Variants in WDR47 observed in about 807,000 individuals in gnomAD.
WDR47 encodes WD repeat domain 47, also known as WD repeat-containing protein 47.
A neutral mutation model predicts 97.2 loss-of-function variants in WDR47; 32 were observed. The ratio of observed to expected loss-of-function variants is 0.33; its 90% CI spans 0.25 to 0.44. The LOEUF is 0.44. Among genes scored for constraint, WDR47 ranks in the 20% least tolerant of loss-of-function variants. The pLI, the probability that WDR47 is intolerant of heterozygous loss-of-function variation, is 1.00. For synonymous variants in WDR47, 375 were observed against 373.5 expected (o/e 1.00, Z -0.05); for missense variants, 782 against 1,102.3 (o/e 0.71, Z 4.11).
At chr1:108,993,089 T>G (rs537029114) in intron 8 of WDR47, among the ~76,000 whole-genome samples, 2 of 152,110 alleles carry the variant, frequency 1.3e-5, no homozygotes, top group East Asian at 1.9e-4. Flanking sequence ...GAAGGAGCAA[T>G]AGGCCTCACC....
At chr1:108,976,555 T>G (rs1032086334) in intron 13 of WDR47, among the ~76,000 whole-genome samples, 15 of 152,152 alleles carry the variant, frequency 9.9e-5, no homozygotes, top group Non-Finnish European at 1.5e-5. Context: ...CTTCTGAAAA[T>G]AAAACAGGTA....
intron 12 of WDR47, 88 bp from the exon 13 acceptor site, chr1:108,981,952 G>A: frequency 6.9e-7 from 1 of 1,442,602 alleles, no homozygotes; most frequent in Non-Finnish European, 9.3e-7. Flanking sequence ...GTTGGGCAAG[G>A]TGGCTCATGC....
chr1:109,011,192 G>A lies in WDR47; in HGVS notation c.854C>T (p.Thr285Ile). 1 of 1,614,128 alleles carries A rather than the reference G, an allele frequency of 6.2e-7. No individual in the cohort carries two copies. The highest frequency in any genetic ancestry group is 2.2e-5 in the East Asian group (1 of 44,878). Residue 285 changes from threonine to isoleucine, a missense_variant, in exon 5 of 15, where the codon ACT (threonine) becomes ATT (isoleucine). Coordinates refer to ENST00000369962, the MANE Select transcript of WDR47 (RefSeq NM_001142551.2). ...PTKAAYADLLTPLISKLSPYP... is the reference protein window; with the variant it reads ...PTKAAYADLLIPLISKLSPYP... Reference sequence around the variant, plus strand: ...GGGAGAGAGTTTGCTGATAAGAGGAGTCAAAAGATCAGCATATGCAGCTTT... The same window carrying A: ...GGGAGAGAGTTTGCTGATAAGAGGAATCAAAAGATCAGCATATGCAGCTTT...
chr1:109,023,259 G>A, intron 2 of WDR47, 96 bp downstream of exon 2: 2 of 1,140,966 alleles, frequency 1.8e-6, no homozygotes, highest in African/African-American at 1.6e-5. Context: ...GCCTTTTCAT[G>A]ATTATAAAGT....
intron 14 of WDR47, among the ~76,000 whole-genome samples, chr1:108,972,352 C>G (rs766490545): frequency 6.6e-6 from 1 of 152,082 alleles, no homozygotes; most frequent in Non-Finnish European, 1.5e-5. Context: ...TCCTCACTGA[C>G]ATTTATATTT....
In WDR47 at chr1:108,986,503, C is replaced by A; in HGVS notation, c.1925+20G>T. 6.3e-7 allele frequency: 1 copy of A among 1,583,036 alleles called. No individual in the cohort carries two copies. Among genetic ancestry groups the A allele is most frequent in the South Asian group, 1.2e-5 (1 of 85,806 alleles). On this transcript the variant is annotated intron_variant, in intron 10 of 14. Coordinates refer to ENST00000369962, the MANE Select transcript of WDR47 (RefSeq NM_001142551.2). Reference sequence around the variant, plus strand: ...TTAAAAACTAAGGTAAGAATGGCAGCACAAATCATTGATCCTTACCTTGGA... The same window carrying A: ...TTAAAAACTAAGGTAAGAATGGCAGAACAAATCATTGATCCTTACCTTGGA...
chr1:109,035,183 C>T (rs1363672662), intron 1 of WDR47, among the ~76,000 whole-genome samples: 1 of 147,954 alleles, frequency 6.8e-6, no homozygotes, highest in Non-Finnish European at 1.5e-5. Flanking sequence ...GTGGTTGAGG[C>T]TGCAGTGAGC....
intron 10 of WDR47, among the ~76,000 whole-genome samples, chr1:108,983,872 G>A (rs921688893): frequency 6.6e-6 from 1 of 152,174 alleles, no homozygotes; most frequent in Admixed American, 6.6e-5. Context: ...CAATGTGCAA[G>A]AGTTCTGTCC....
At chr1:109,004,151 G>T (rs1660406175) in intron 6 of WDR47, among the ~76,000 whole-genome samples, 1 of 151,932 alleles carries the variant, frequency 6.6e-6, no homozygotes, top group Admixed American at 6.6e-5. Context: ...TGTGGTCCCA[G>T]CTACTCGGGA....
chr1:109,032,885 A>C (rs1040818461), intron 1 of WDR47, among the ~76,000 whole-genome samples: 4 of 152,030 alleles, frequency 2.6e-5, no homozygotes, highest in African/African-American at 9.7e-5. Context: ...TGACAGAGTG[A>C]CACTCTGTCC....
intron 12 of WDR47, among the ~76,000 whole-genome samples, chr1:108,982,368 A>AC (rs1658407093): frequency 6.6e-6 from 1 of 151,958 alleles, no homozygotes; most frequent in South Asian, 2.1e-4. Flanking sequence ...CACCATATCT[A>AC]CAAAAAAATT....
At chr1:109,034,902 T>C (rs1247981940) in intron 1 of WDR47, among the ~76,000 whole-genome samples, 1 of 152,090 alleles carries the variant, frequency 6.6e-6, no homozygotes, top group Non-Finnish European at 1.5e-5. Flanking sequence ...TGAATGAATA[T>C]AAACAGGCCC....
chr1:108,973,819 G>A lies in WDR47; in HGVS notation c.2617+717C>T, dbSNP rs929717893. ...GATGGCTTGAACCCAGGAGGTCAAG[G>A]GTGTAGTGAGCAATAATCGTGCCAC... On this transcript the variant is annotated intron_variant, in intron 14 of 14. Coordinates refer to ENST00000369962, the MANE Select transcript of WDR47 (RefSeq NM_001142551.2). 1.3e-5 allele frequency among the ~76,000 whole-genome samples: 2 copies of A among 152,040 alleles called. 1 individual carries two copies. Among genetic ancestry groups the A allele is most frequent in the South Asian group, 4.1e-4 (2 of 4,822 alleles).
chr1:109,000,092 T>C (rs1660066322), intron 7 of WDR47, among the ~76,000 whole-genome samples: 1 of 152,090 alleles, frequency 6.6e-6, no homozygotes, highest in Non-Finnish European at 1.5e-5. Context: ...ATGCCTGTAA[T>C]CTCAGAGCTT....
chr1:109,041,441 C>G (rs1663357516), intron 1 of WDR47: 1 of 152,212 alleles, frequency 6.6e-6, no homozygotes, highest in South Asian at 2.1e-4. Flanking sequence ...GGGACGCGAG[C>G]GCGCCCCTCA....
intron 1 of WDR47, 149 bp from the exon 2 acceptor site, chr1:109,023,670 T>G (rs1049209856): frequency 2.7e-6 from 2 of 744,762 alleles, no homozygotes; most frequent in Admixed American, 3.2e-5. Flanking sequence ...CAAAACCAAG[T>G]CGTTCTTTAA....
At chr1:108,980,173 G>A (rs988332178) in intron 13 of WDR47, among the ~76,000 whole-genome samples, 18 of 151,854 alleles carry the variant, frequency 1.2e-4, no homozygotes, top group Admixed American at 2.6e-4. Context: ...CCTGGTGGGT[G>A]CCAAAAAGGT....
intron 9 of WDR47, 121 bp downstream of exon 9, chr1:108,991,133 C>T: frequency 3.7e-6 from 3 of 805,562 alleles, no homozygotes; most frequent in Non-Finnish European, 5.8e-6. Flanking sequence ...CTGCCTCGGC[C>T]TCCTGGGTAC....
chr1:109,016,856 T>C (rs1274575753), intron 3 of WDR47, among the ~76,000 whole-genome samples: 1 of 150,058 alleles, frequency 6.7e-6, no homozygotes, highest in Non-Finnish European at 1.5e-5. Flanking sequence ...GAGCCTGATA[T>C]AAGCAAGCAC....
Sources: allele counts gnomAD v4.1 joint callset (sites outside exome capture counted in the v4.1 genomes callset), GRCh38; gene constraint gnomAD v4.1.1; transcripts MANE v1.5; gene names NCBI Gene and HGNC (gene_info 2026-07-23, HGNC 2026-07-21).